PRDM10: variants seen among roughly 807,000 people sequenced by gnomAD.
The protein encoded by PRDM10 is PR domain zinc finger protein 10.
Under a neutral mutation model 133.1 loss-of-function variants are expected in PRDM10, and 65 were observed. That is an observed-to-expected ratio of 0.49 (90% CI 0.40 to 0.60). The LOEUF (loss-of-function observed/expected upper bound fraction) is 0.60. Among genes scored for constraint, PRDM10 ranks in the 20% least tolerant of loss-of-function variants. The pLI, the probability that PRDM10 is intolerant of heterozygous loss-of-function variation, is 0.00. For synonymous variants in PRDM10, 582 were observed against 580.4 expected (o/e 1.00, Z -0.04); for missense variants, 1,137 against 1,507.1 (o/e 0.75, Z 4.07).
Position 129,947,411 on chromosome 11 carries a change from A to G in PRDM10, c.295-41T>C. ...AGGCACAGAGTAAGCAGACATGGAC[A>G]CCTGCTTTTGGTTCGCTGGTGCCTG... is the stretch of plus-strand genomic sequence containing the variant. On this transcript the variant is annotated intron_variant, in intron 4 of 20. Transcript: ENST00000360871. This position sits in a 1 kb window ranked among gnomAD's most constrained non-coding sequence, Gnocchi z 4.6. 6.2e-7 allele frequency: 1 copy of G among 1,607,762 alleles called. No homozygotes were observed.
At chr11:129,963,621 TTC>T (rs932476924) in intron 1 of PRDM10, among the ~76,000 whole-genome samples, 1 of 151,916 alleles carries the variant, frequency 6.6e-6, no homozygotes, top group Non-Finnish European at 1.5e-5. Flanking sequence ...TTTCCCCTCT[TTC>T]TCTTTCTTTC....
chr11:129,923,549 T>TGA lies in PRDM10; in HGVS notation c.1879-147_1879-146insTC. The stretch of plus-strand genomic sequence containing the variant: ...GAGGAATCCAATCAGATGTGATAAT[T>TGA]GGCCTCAATAACACATACTGTCCCT... On this transcript the variant is annotated intron_variant, in intron 12 of 20. Transcript: ENST00000360871. This position sits in a 1 kb window ranked among gnomAD's most constrained non-coding sequence, Gnocchi z 4.4. 3.6e-6 allele frequency: 3 copies of TGA among 840,664 alleles called. No individual in the cohort carries two copies. Among genetic ancestry groups the TGA allele is most frequent in the Non-Finnish European group, 3.5e-6 (2 of 569,928 alleles). 52.1% of individuals were successfully genotyped at this position (840,664 alleles called of 1,614,324 possible).
chr11:130,002,189 T>C (rs973015416), intron 1 of PRDM10, among the ~76,000 whole-genome samples: 77 of 147,774 alleles, frequency 5.2e-4, no homozygotes, highest in Admixed American at 1.1e-3. Context: ...GGCGGAGACC[T>C]GCCCGCCGCG....
intron 10 of PRDM10, among the ~76,000 whole-genome samples, chr11:129,931,599 C>T (rs1250221451): frequency 1.4e-5 from 2 of 147,640 alleles, no homozygotes; most frequent in Admixed American, 6.7e-5. Context: ...GACGGAGTCT[C>T]GCTCTGTCCC....
chr11:129,997,509 GTTCTTTC>G (rs1479546460), intron 1 of PRDM10, among the ~76,000 whole-genome samples: 1 of 152,138 alleles, frequency 6.6e-6, no homozygotes, highest in Non-Finnish European at 1.5e-5. Context: ...AAAAAAGACA[GTTCTTTC>G]ACGAGCTGGT....
At chr11:129,946,047 G>T (rs35536118) in intron 5 of PRDM10, among the ~76,000 whole-genome samples, 1 of 151,250 alleles carries the variant, frequency 6.6e-6, no homozygotes, top group Non-Finnish European at 1.5e-5. Flanking sequence ...GACCAGTCTC[G>T]CCAACATGGT....
chr11:129,930,666 T>C (rs928133532), intron 11 of PRDM10, among the ~76,000 whole-genome samples: 14 of 152,304 alleles, frequency 9.2e-5, no homozygotes, highest in African/African-American at 2.9e-4. Context: ...AGGCACAAAT[T>C]AGCCTGGTTT....
At chr11:129,988,910 T>A (rs1938581620) in intron 1 of PRDM10, among the ~76,000 whole-genome samples, 1 of 151,752 alleles carries the variant, frequency 6.6e-6, no homozygotes, top group Non-Finnish European at 1.5e-5. Flanking sequence ...ATTACAGGCG[T>A]GAGCCACTGC....
chr11:129,957,875 C>T lies in PRDM10; in HGVS notation c.105G>A (p.Gln35=), dbSNP rs746954305. The change falls in exon 3 of 21, where the codon CAG becomes CAA. Residue 35 remains glutamine (Q), a synonymous_variant. Transcript: ENST00000360871. ...HFVPDTGTVA[Q]IVYTDDQVRP... ...GAACCTGGTCATCGGTATAGACAATCTGAGCCACTGTTCCTGTGTCCGGAA... is the reference window on the plus strand; with the variant it reads ...GAACCTGGTCATCGGTATAGACAATTTGAGCCACTGTTCCTGTGTCCGGAA... 1.2e-6 allele frequency: 2 copies of T among 1,613,470 alleles called. No individual in the cohort carries two copies. The highest frequency in any genetic ancestry group is 8.5e-7 in the Non-Finnish European group (1 of 1,179,778).
In PRDM10 at chr11:129,942,509, C is replaced by A. The variant is rs1310916614; in HGVS notation, c.883G>T (p.Glu295Ter). The A allele has an allele frequency of 6.2e-7, 1 of 1,614,094 alleles. No individual in the cohort carries two copies. The highest frequency in any genetic ancestry group is 1.1e-5 in the South Asian group (1 of 91,076). The change falls in exon 7 of 21, where the codon GAG (glutamate) becomes TAG (stop). Residue 295 changes from glutamate (E) to a stop codon, truncating the protein, a stop_gained. Transcript: ENST00000360871. LOFTEE classifies it high-confidence loss of function. Reference protein sequence around the residue: ...MFVRPAQNHLEQNLVAYQYGH... With the variant: ...MFVRPAQNHL The stretch of plus-strand genomic sequence containing the variant: ...TACTGGTAAGCCACCAGGTTCTGCT[C>A]CAGGTGATTCTGGGCTGGCCGTACA...
intron 10 of PRDM10, among the ~76,000 whole-genome samples, chr11:129,931,566 A>ATTATT (rs1950858823): frequency 8.0e-6 from 1 of 124,404 alleles, no homozygotes; most frequent in African/African-American, 3.3e-5. Context: ...TTTTTATTTT[A>ATTATT]TTTTATTTTA....
Position 129,947,343 on chromosome 11 carries a change from G to GC in PRDM10, c.321dup (p.Leu108AlafsTer31). The GC allele has an allele frequency of 6.2e-7, 1 of 1,614,206 alleles. No homozygotes were observed. Among genetic ancestry groups the GC allele is most frequent in the Non-Finnish European group, 8.5e-7 (1 of 1,180,044 alleles). Reference sequence around the variant, plus strand: ...CCATCTACACTCTCGATGGAAGGCAGCACCTGGTTATGAACTGGCAATGAG... The same window carrying GC: ...CCATCTACACTCTCGATGGAAGGCAGCCACCTGGTTATGAACTGGCAATGAG... On this transcript the variant is annotated frameshift_variant, in exon 5 of 21. Transcript: ENST00000360871. LOFTEE classifies it high-confidence loss of function. This position sits in a 1 kb window ranked among gnomAD's most constrained non-coding sequence, Gnocchi z 4.6.
At chr11:129,959,114 T>G (rs901293207) in intron 2 of PRDM10, among the ~76,000 whole-genome samples, 11 of 152,344 alleles carry the variant, frequency 7.2e-5, no homozygotes, top group African/African-American at 2.6e-4. Flanking sequence ...AACTTTTTAA[T>G]GTCAGTTTTC....
In PRDM10 at chr11:129,948,630, G is replaced by A. The variant is rs181301923; in HGVS notation, c.295-1260C>T. Among the ~76,000 whole-genome samples, 348 of 152,256 alleles carry A rather than the reference G, an allele frequency of 2.3e-3. 1 individual carries two copies. The highest frequency in any genetic ancestry group is 7.8e-3 in the African/African-American group (324 of 41,552). On this transcript the variant is annotated intron_variant, in intron 4 of 20. Coordinates refer to ENST00000360871, the MANE Select transcript of PRDM10 (RefSeq NM_199437.2). ...TGGAGCCCAGATCTTCCACGCTTTG[G>A]TTAGGGCCCAGGACTTTCCTCTGGA...
intron 1 of PRDM10, among the ~76,000 whole-genome samples, chr11:129,965,221 A>T (rs1951880721): frequency 6.6e-6 from 1 of 152,182 alleles, no homozygotes; most frequent in African/African-American, 2.4e-5. Flanking sequence ...AGCCTGGGCG[A>T]CACAGCAAGA....
At position 129,915,776 on chromosome 11, in the gene PRDM10, G is replaced by A. The variant is rs758316435; in HGVS notation, c.2410C>T (p.Arg804Ter). The change falls in exon 16 of 21, where the codon CGA (arginine) becomes TGA (stop). Residue 804 changes from arginine to a stop codon, truncating the protein, a stop_gained. Coordinates refer to ENST00000360871, the MANE Select transcript of PRDM10 (RefSeq NM_199437.2). LOFTEE classifies it high-confidence loss of function. ...TCTGGCTCTCCAGGACCAGCGGGTC[G>A]GAGCTTCCGAATGCTCGGTGGGAGC... ...AELPPSIRKL[R>*]PAGPGEPDPM... 6 of 1,614,190 alleles carry A rather than the reference G, an allele frequency of 3.7e-6. No homozygotes were observed. Among genetic ancestry groups the A allele is most frequent in the East Asian group, 2.2e-5 (1 of 44,882 alleles).
Position 129,950,483 on chromosome 11 carries a change from G to A in PRDM10, c.295-3113C>T, listed in dbSNP as rs1227449657. ...CGGGGGAAGCCAAATTCTGGAAGAC[G>A]CTTCTGCCTCAGCTTCAATAAAAAC... On this transcript the variant is annotated intron_variant, in intron 4 of 20. Coordinates refer to ENST00000360871, the MANE Select transcript of PRDM10 (RefSeq NM_199437.2). 3.9e-5 allele frequency among the ~76,000 whole-genome samples: 6 copies of A among 152,236 alleles called. No individual in the cohort carries two copies. In the South Asian group the frequency reaches 8.3e-4, roughly 21 times the overall value.
At chr11:129,906,932 G>A (rs1950032687) in intron 19 of PRDM10, among the ~76,000 whole-genome samples, 1 of 150,632 alleles carries the variant, frequency 6.6e-6, no homozygotes, top group Non-Finnish European at 1.5e-5. Flanking sequence ...AGCCAAGATC[G>A]CACCACTGCA....
rs1022569375 is a variant in PRDM10 at position 129,901,883 on chromosome 11, C to G, written c.*430G>C. 1.0e-4 allele frequency: 16 copies of G among 157,438 alleles called. No individual in the cohort carries two copies. Among genetic ancestry groups the G allele is most frequent in the Non-Finnish European group, 1.4e-5 (1 of 71,442 alleles). The allele number at this position is 157,438 out of a possible 1,614,324, so 9.8% of individuals were successfully genotyped here. A position where few individuals can be genotyped will look rare whatever the true frequency, so the allele number is the denominator to read the frequency against. On this transcript the variant is annotated 3_prime_UTR_variant, in exon 21 of 21. Coordinates refer to ENST00000360871, the MANE Select transcript of PRDM10 (RefSeq NM_199437.2). ...TAAAGCAGTTCAGACCTAATGCACA[C>G]CCACAAAATGCCCCTTCTCCTTTGG...
Sources: gnomAD v4.1 joint callset for allele counts (sites outside exome capture counted in the v4.1 genomes callset) on GRCh38, gnomAD v4.1.1 for gene constraint, Gnocchi (gnomAD v3.1) non-coding constraint, MANE v1.5 for transcripts, NCBI Gene and HGNC (gene_info 2026-07-23, HGNC 2026-07-21) for gene names.